COL5A2: variants seen among roughly 807,000 people sequenced by gnomAD.
COL5A2 encodes collagen alpha-2(V) chain.
COL5A2 carries 23 observed loss-of-function variants against 208.2 expected under a neutral mutation model. The observed-to-expected ratio is 0.11, with a 90% CI of 0.08 to 0.16. The LOEUF is 0.16. Among genes scored for constraint, COL5A2 ranks in the 10% least tolerant of loss-of-function variants. COL5A2 has a pLI of 1.00. For synonymous variants in COL5A2, 625 were observed against 628.5 expected (o/e 0.99, Z 0.08); for missense variants, 1,590 against 1,956.4 (o/e 0.81, Z 3.53).
chr2:189,208,007 C>T (rs1299540204), intron 1 of COL5A2, among the ~76,000 whole-genome samples: 4 of 152,132 alleles, frequency 2.6e-5, no homozygotes, highest in Admixed American at 2.6e-4. Context: ...CTACTAAGAC[C>T]TTAGAGTGTG....
rs1685771908 is a variant in COL5A2 at position 189,050,855 on chromosome 2, ATTAT to A, written c.2932-183_2932-180del. ...TTGTAATCCGCACAGAACCTCTAAC[ATTAT>A]TTAAAGGTGAAAACAGCTCATCCGT... On this transcript the variant is annotated intron_variant, in intron 42 of 53. Coordinates refer to ENST00000374866, the MANE Select transcript of COL5A2 (RefSeq NM_000393.5). Among the ~76,000 whole-genome samples, 3 of 152,212 alleles carry A rather than the reference ATTAT, an allele frequency of 2.0e-5. No individual in the cohort carries two copies. The South Asian group carries it at 6.2e-4, about 31-fold the overall frequency.
intron 47 of COL5A2, among the ~76,000 whole-genome samples, chr2:189,043,994 T>G (rs931554397): frequency 1.3e-5 from 2 of 152,190 alleles, no homozygotes; most frequent in African/African-American, 4.8e-5. Context: ...GTTTTGTTAT[T>G]GTTGGTGGTG....
chr2:189,416,374 T>C, the COL5A2 span, among the ~76,000 whole-genome samples: 1 of 152,178 alleles, frequency 6.6e-6, no homozygotes, highest in Admixed American at 6.5e-5. Flanking sequence ...TGGAATACTA[T>C]GCAGCCATAA....
the COL5A2 span, among the ~76,000 whole-genome samples, chr2:189,325,994 G>C: frequency 4.0e-5 from 6 of 151,522 alleles, no homozygotes; most frequent in Non-Finnish European, 8.8e-5. Flanking sequence ...CTACTTGGGA[G>C]GCTGAGGCAG....
chr2:189,042,638 G>A, intron 49 of COL5A2, 82 bp downstream of exon 49: 1 of 1,357,094 alleles, frequency 7.4e-7, no homozygotes, highest in Non-Finnish European at 1.0e-6. Flanking sequence ...TCAATACCAG[G>A]AAAACGATAC....
chr2:189,154,968 T>C (rs1688216475), intron 1 of COL5A2, among the ~76,000 whole-genome samples: 1 of 152,060 alleles, frequency 6.6e-6, no homozygotes, highest in African/African-American at 2.4e-5. Flanking sequence ...CCCTAAAGTA[T>C]CCTGACAGAT....
chr2:189,289,017 A>C, the COL5A2 span, among the ~76,000 whole-genome samples: 4 of 152,182 alleles, frequency 2.6e-5, no homozygotes, highest in Non-Finnish European at 5.9e-5. Flanking sequence ...CATTTCGCTG[A>C]AAGTTTCAAC....
intron 1 of COL5A2, among the ~76,000 whole-genome samples, chr2:189,115,936 T>G (rs534937290): frequency 6.0e-4 from 92 of 152,198 alleles, no homozygotes; most frequent in Non-Finnish European, 1.2e-3. Flanking sequence ...GGTCACTTGG[T>G]GGTTCTTACC....
At chr2:189,351,089 A>G in the COL5A2 span, among the ~76,000 whole-genome samples, 1 of 152,188 alleles carries the variant, frequency 6.6e-6, no homozygotes. Flanking sequence ...GTTTTTACCA[A>G]TAGGAGTCTC....
intron 3 of COL5A2, among the ~76,000 whole-genome samples, chr2:189,103,875 C>A (rs935189896): frequency 1.3e-5 from 2 of 152,018 alleles, no homozygotes; most frequent in African/African-American, 4.8e-5. Flanking sequence ...CTTCCTCCCT[C>A]ACTTTCTTCC....
intron 10 of COL5A2, 88 bp downstream of exon 10, chr2:189,085,631 A>T: frequency 9.1e-7 from 1 of 1,099,842 alleles, no homozygotes; most frequent in Non-Finnish European, 1.4e-6. Context: ...ATTAGGGAGG[A>T]CCTGGGAAGA....
rs1432412776 is a variant in COL5A2, at chr2:189,110,087, A to G, written c.322+138T>C. On this transcript the variant is annotated intron_variant, in intron 2 of 53. Transcript: ENST00000374866. ...TTAGATGAAGTGAGTGAGCAAAATC[A>G]TTAATCATTAACCCCAAAAGCCACC... 19 of 709,382 alleles carry G rather than the reference A, an allele frequency of 2.7e-5. No homozygotes were observed. In the East Asian group the frequency reaches 4.5e-4, roughly 17 times the overall value. The allele number at this position is 709,382 out of a possible 1,614,324, so 43.9% of individuals were successfully genotyped here.
chr2:189,246,341 A>C, the COL5A2 span, among the ~76,000 whole-genome samples: 1 of 152,224 alleles, frequency 6.6e-6, no homozygotes, highest in African/African-American at 2.4e-5. Context: ...GAGAAAGATT[A>C]TATCTGTAGA....
At chr2:189,163,528 C>T (rs575758535) in intron 1 of COL5A2, among the ~76,000 whole-genome samples, 121 of 152,324 alleles carry the variant, frequency 7.9e-4, no homozygotes, top group Middle Eastern at 3.4e-3. Flanking sequence ...CACTGAAAAG[C>T]AGATCAATTT....
At position 189,110,293 on chromosome 2, in the gene COL5A2, G is replaced by A; in HGVS notation, c.254C>T (p.Pro85Leu). The A allele has an allele frequency of 6.2e-7, 1 of 1,614,106 alleles. No homozygotes were observed. The highest frequency in any genetic ancestry group is 1.1e-5 in the South Asian group (1 of 91,084). The change falls in exon 2 of 54, where the codon CCT becomes CTT. Residue 85 changes from proline (P) to leucine (L), a missense_variant. Physicochemically the swap from Pro to Leu is moderately conservative, Grantham distance 98. Coordinates refer to ENST00000374866, the MANE Select transcript of COL5A2 (RefSeq NM_000393.5). Reference sequence around the variant, plus strand: ...ACAGCATTCCCCAGGGGGCGTTACAGGGTCGGCACAGTCCAGCACATCCTG... The same window carrying A: ...ACAGCATTCCCCAGGGGGCGTTACAAGGTCGGCACAGTCCAGCACATCCTG... ...ECQDVLDCAD[P>L]VTPPGECCPV...
the COL5A2 span, among the ~76,000 whole-genome samples, chr2:189,371,962 G>C: frequency 6.6e-6 from 1 of 152,224 alleles, no homozygotes; most frequent in Admixed American, 6.5e-5. Flanking sequence ...AGATATTTCA[G>C]AGATCTTAGA....
the COL5A2 span, among the ~76,000 whole-genome samples, chr2:189,328,296 C>T: frequency 6.6e-6 from 1 of 152,328 alleles, no homozygotes; most frequent in South Asian, 2.1e-4. Context: ...CACAACGTAT[C>T]TTTAAAACTG....
At chr2:189,194,794 G>T (rs1688976661) in intron 1 of COL5A2, among the ~76,000 whole-genome samples, 1 of 152,142 alleles carries the variant, frequency 6.6e-6, no homozygotes, top group Non-Finnish European at 1.5e-5. Context: ...TTTATTGAAA[G>T]ATTTTAACAT....
the COL5A2 span, among the ~76,000 whole-genome samples, chr2:189,432,370 A>T: frequency 6.6e-6 from 1 of 152,232 alleles, no homozygotes; most frequent in Non-Finnish European, 1.5e-5. Flanking sequence ...TGCCCCAATT[A>T]AAAGACACGG....
Sources: gnomAD v4.1 joint callset for allele counts (sites outside exome capture counted in the v4.1 genomes callset) on GRCh38, gnomAD v4.1.1 for gene constraint, MANE v1.5 for transcripts, NCBI Gene and HGNC (gene_info 2026-07-23, HGNC 2026-07-21) for gene names.